NKAIN3: variants seen among roughly 807,000 people sequenced by gnomAD.
NKAIN3 encodes sodium/potassium-transporting ATPase subunit beta-1-interacting protein 3.
Under a neutral mutation model 30.2 loss-of-function variants are expected in NKAIN3, and 25 were observed. The observed-to-expected ratio is 0.83, with a 90% CI of 0.60 to 1.16. The LOEUF (loss-of-function observed/expected upper bound fraction) is 1.16, where lower values mean the gene tolerates loss of function less well. Among genes scored for constraint, NKAIN3 ranks in the 50% most tolerant of loss-of-function variants. NKAIN3 has a pLI of 0.00. For synonymous variants in NKAIN3, 91 were observed against 89.6 expected (o/e 1.02, Z -0.09); for missense variants, 225 against 254.1 (o/e 0.89, Z 0.78).
chr8:62,798,212 A>G (rs897751392), intron 4 of NKAIN3, among the ~76,000 whole-genome samples: 3 of 152,138 alleles, frequency 2.0e-5, no homozygotes, highest in Non-Finnish European at 2.9e-5. Flanking sequence ...GGTAAACTCT[A>G]TCAGATCTGT....
chr8:62,442,721 T>A (rs1376761), intron 1 of NKAIN3, among the ~76,000 whole-genome samples: 63,871 of 151,648 alleles, frequency 0.42, 15,288 homozygotes, highest in Non-Finnish European at 0.53. Flanking sequence ...AAAGCTGTAA[T>A]TTTTCCATAA....
intron 1 of NKAIN3, among the ~76,000 whole-genome samples, chr8:62,252,666 AC>A (rs1812146325): frequency 1.3e-5 from 2 of 152,290 alleles, no homozygotes; most frequent in African/African-American, 4.8e-5. Context: ...CCCATCAAAA[AC>A]GATGTGAAAT....
At chr8:62,737,585 T>A (rs1169576636) in intron 3 of NKAIN3, among the ~76,000 whole-genome samples, 1 of 152,156 alleles carries the variant, frequency 6.6e-6, no homozygotes. Flanking sequence ...CTGTGGCAAT[T>A]CTTCAAGAAA....
chr8:62,888,464 C>G (rs1821210093), intron 4 of NKAIN3, among the ~76,000 whole-genome samples: 1 of 152,134 alleles, frequency 6.6e-6, no homozygotes, highest in African/African-American at 2.4e-5. Flanking sequence ...AATTACGGTC[C>G]AAAGTTTTCT....
chr8:62,716,412 G>T (rs1814905384), intron 3 of NKAIN3, among the ~76,000 whole-genome samples: 2 of 151,982 alleles, frequency 1.3e-5, no homozygotes, highest in South Asian at 4.1e-4. Flanking sequence ...TGATCTATCT[G>T]CTAGGGTGCT....
chr8:62,476,552 G>A (rs2129600407), intron 1 of NKAIN3, among the ~76,000 whole-genome samples: 1 of 152,134 alleles, frequency 6.6e-6, no homozygotes, highest in East Asian at 1.9e-4. Context: ...CACCTCCTAG[G>A]TTCAAGCGAT....
intron 4 of NKAIN3, among the ~76,000 whole-genome samples, chr8:62,902,478 C>A (rs1192504779): frequency 6.6e-6 from 1 of 152,140 alleles, no homozygotes. Context: ...AATGATCAGG[C>A]ATGGAGGAGG....
chr8:62,503,321 G>C (rs1302625636), intron 1 of NKAIN3, among the ~76,000 whole-genome samples: 2 of 152,182 alleles, frequency 1.3e-5, no homozygotes, highest in East Asian at 3.9e-4. Flanking sequence ...TGTATGAACA[G>C]GGAGTAGGTC....
At chr8:62,633,656 G>A (rs1198647994) in intron 3 of NKAIN3, among the ~76,000 whole-genome samples, 23 of 152,108 alleles carry the variant, frequency 1.5e-4, no homozygotes, top group Non-Finnish European at 1.5e-5. Flanking sequence ...TGGGAACAAA[G>A]CTGCCAAAAG....
chr8:62,460,090 C>T (rs1205392647), intron 1 of NKAIN3, among the ~76,000 whole-genome samples: 1 of 152,054 alleles, frequency 6.6e-6, no homozygotes, highest in Non-Finnish European at 1.5e-5. Flanking sequence ...GTAAGGGCCT[C>T]TAAAAATTCT....
chr8:62,566,955 G>T, intron 1 of NKAIN3, among the ~76,000 whole-genome samples: 1 of 151,986 alleles, frequency 6.6e-6, no homozygotes, highest in African/African-American at 2.4e-5. Context: ...TAGTATATAG[G>T]ATATATATAC....
At position 62,913,152 on chromosome 8, in the gene NKAIN3, ATT is replaced by A. The variant is rs5891881; in HGVS notation, c.472-5290_472-5289del. ...TGCCTGAGGCTGTTTTGCATTGAAC[ATT>A]TTTTTTTTTTAGATAGAAGGACTAC... On this transcript the variant is annotated intron_variant, in intron 4 of 6. Coordinates refer to ENST00000623646, the MANE Select transcript of NKAIN3 (RefSeq NM_001304533.3). Among the ~76,000 whole-genome samples, 80 of 151,472 alleles carry A rather than the reference ATT, an allele frequency of 5.3e-4. 1 individual carries two copies. In the East Asian group the frequency reaches 9.9e-3, roughly 19 times the overall value.
intron 1 of NKAIN3, among the ~76,000 whole-genome samples, chr8:62,396,056 A>G (rs902745826): frequency 6.6e-6 from 1 of 152,236 alleles, no homozygotes; most frequent in Admixed American, 6.5e-5. Context: ...TTAAAAATGT[A>G]CTACCACATT....
intron 3 of NKAIN3, among the ~76,000 whole-genome samples, chr8:62,624,687 A>G (rs1219154056): frequency 6.7e-6 from 1 of 150,356 alleles, no homozygotes; most frequent in Non-Finnish European, 1.5e-5. Flanking sequence ...TGCTTCAAAT[A>G]TTGCTTCTGC....
chr8:62,589,521 GC>G (rs1019825015), intron 2 of NKAIN3, among the ~76,000 whole-genome samples, 192 bp from the exon 3 acceptor site: 27 of 151,680 alleles, frequency 1.8e-4, no homozygotes, highest in African/African-American at 6.0e-4. Context: ...TCTACTGAAA[GC>G]AGTAGAAATT....
intron 1 of NKAIN3, among the ~76,000 whole-genome samples, chr8:62,526,307 A>G (rs1295477203): frequency 6.6e-6 from 1 of 152,174 alleles, no homozygotes; most frequent in Admixed American, 6.6e-5. Flanking sequence ...AAACCAGTTC[A>G]GCTGAAAGAC....
chr8:62,993,683 C>A (rs1257010879), intron 5 of NKAIN3, among the ~76,000 whole-genome samples: 4 of 151,974 alleles, frequency 2.6e-5, no homozygotes, highest in Non-Finnish European at 5.9e-5. Context: ...TCTGGTTGGG[C>A]CTGATGTTGG....
chr8:62,751,054 A>G (rs1008844032), intron 4 of NKAIN3, among the ~76,000 whole-genome samples: 2 of 152,120 alleles, frequency 1.3e-5, no homozygotes, highest in Admixed American at 1.3e-4. Flanking sequence ...AGTGATTCTC[A>G]TCACCTTCAG....
intron 4 of NKAIN3, among the ~76,000 whole-genome samples, chr8:62,887,866 C>T: frequency 6.6e-6 from 1 of 152,136 alleles, no homozygotes; most frequent in East Asian, 1.9e-4. Flanking sequence ...AACATTCATG[C>T]CATTTCTGAG....
Sources: allele counts gnomAD v4.1 joint callset (sites outside exome capture counted in the v4.1 genomes callset), GRCh38; gene constraint gnomAD v4.1.1; transcripts MANE v1.5; gene names NCBI Gene and HGNC (gene_info 2026-07-23, HGNC 2026-07-21).